RYR2: variants seen among roughly 807,000 people sequenced by gnomAD.
RYR2 encodes the protein ryanodine receptor 2, also known as cardiac muscle ryanodine receptor-calcium release channel.
A neutral mutation model predicts 601.1 loss-of-function variants in RYR2; 227 were observed. That is an observed-to-expected ratio of 0.38 (90% CI 0.34 to 0.42). RYR2 has a LOEUF of 0.42. RYR2 is among the 10% of genes least tolerant of loss of function. The probability of loss-of-function intolerance (pLI) is 1.00; values close to 1 mark genes in which losing one functional copy is unlikely to be tolerated. For missense variants in RYR2, 4,646 were observed against 6,156.5 expected (o/e 0.75, Z 8.21); for synonymous variants, 2,223 against 2,175.1 (o/e 1.02, Z -0.61).
At chr1:237,483,058 G>C (rs1020738681) in intron 17 of RYR2, among the ~76,000 whole-genome samples, 1 of 151,946 alleles carries the variant, frequency 6.6e-6, no homozygotes, top group African/African-American at 2.4e-5. Flanking sequence ...TGTGTCTCTC[G>C]CCAAGGTCTA....
At chr1:237,583,844 A>T (rs1266707985) in intron 29 of RYR2, among the ~76,000 whole-genome samples, 1 of 152,164 alleles carries the variant, frequency 6.6e-6, no homozygotes, top group Non-Finnish European at 1.5e-5. Context: ...TTGCATGCTC[A>T]TCACCCTCCC....
chr1:237,319,702 C>T (rs528316705), intron 2 of RYR2, among the ~76,000 whole-genome samples: 1 of 152,160 alleles, frequency 6.6e-6, no homozygotes, highest in Admixed American at 6.6e-5. Flanking sequence ...TACCAGCCAA[C>T]CTGTCCGTGG....
chr1:237,134,866 T>C (rs1672588251), intron 1 of RYR2, among the ~76,000 whole-genome samples: 2 of 152,174 alleles, frequency 1.3e-5, no homozygotes, highest in African/African-American at 2.4e-5. Context: ...GATGGGGAAA[T>C]TGAGTCATAG....
intron 98 of RYR2, among the ~76,000 whole-genome samples, chr1:237,803,337 A>T (rs1034934796): frequency 3.2e-4 from 47 of 144,980 alleles, no homozygotes; most frequent in African/African-American, 5.0e-4. Flanking sequence ...AGAGTCTTGC[A>T]CTGTCACCCA....
At chr1:237,365,242 T>C (rs1700090801) in intron 5 of RYR2, among the ~76,000 whole-genome samples, 1 of 152,188 alleles carries the variant, frequency 6.6e-6, no homozygotes, top group East Asian at 1.9e-4. Flanking sequence ...CTGTGAGAAA[T>C]ATTAAATCAA....
At chr1:237,226,054 C>CAAA (rs59114136) in intron 1 of RYR2, among the ~76,000 whole-genome samples, 2 of 116,504 alleles carry the variant, frequency 1.7e-5, no homozygotes, top group East Asian at 4.7e-4. Context: ...GACTCCATCT[C>CAAA]AAAAAAAAAA....
intron 3 of RYR2, among the ~76,000 whole-genome samples, chr1:237,337,248 T>C (rs1241126099): frequency 3.3e-5 from 4 of 121,912 alleles, no homozygotes; most frequent in Non-Finnish European, 4.8e-5. Flanking sequence ...CGAGTATCCA[T>C]CTCAAAAAAA....
At chr1:237,811,299 T>G in intron 100 of RYR2, among the ~76,000 whole-genome samples, 1 of 152,192 alleles carries the variant, frequency 6.6e-6, no homozygotes, top group East Asian at 1.9e-4. Flanking sequence ...TGTTACATTT[T>G]GATCCACTGC....
Position 237,569,209 on chromosome 1 carries a change from G to C in RYR2, c.3488G>C (p.Gly1163Ala). ...TCTTGGCAAGCAGGCGATGTCGTGG[G>C]GTGTATGGTTGACATGAACGAACAC... is the stretch of plus-strand genomic sequence containing the variant. Reference protein sequence around the residue: ...GRSWQAGDVVGCMVDMNEHTM... With the variant: ...GRSWQAGDVVACMVDMNEHTM... The change falls in exon 29 of 105, where the codon GGG becomes GCG. Residue 1163 changes from glycine to alanine, a missense_variant. Physicochemically the swap from Gly to Ala is moderately conservative, Grantham distance 60. Transcript: ENST00000366574. 1 of 1,613,902 alleles carries C rather than the reference G, an allele frequency of 6.2e-7. No homozygotes were observed. Among genetic ancestry groups the C allele is most frequent in the Non-Finnish European group, 8.5e-7 (1 of 1,179,872 alleles).
chr1:237,612,959 GAAAAT>G (rs1350562164), intron 36 of RYR2, among the ~76,000 whole-genome samples: 1 of 152,194 alleles, frequency 6.6e-6, no homozygotes, highest in East Asian at 1.9e-4. Context: ...TCAGGCCATA[GAAAAT>G]ATATGGATAG....
chr1:237,265,520 C>T (rs571405468), intron 1 of RYR2, among the ~76,000 whole-genome samples: 12 of 152,270 alleles, frequency 7.9e-5, no homozygotes, highest in African/African-American at 2.9e-4. Flanking sequence ...TGGGGTTTCA[C>T]CATGTTGGCC....
intron 2 of RYR2, among the ~76,000 whole-genome samples, chr1:237,281,648 G>A (rs535624844): frequency 2.6e-5 from 4 of 152,294 alleles, no homozygotes; most frequent in African/African-American, 7.2e-5. Flanking sequence ...GCTGCATCCC[G>A]TCAGTGCAGA....
intron 1 of RYR2, among the ~76,000 whole-genome samples, chr1:237,179,745 T>A (rs1678489691): frequency 6.6e-6 from 1 of 152,104 alleles, no homozygotes. Flanking sequence ...GAGGAATGTC[T>A]GGAAGAGCTG....
At chr1:237,697,166 A>G (rs916245209) in intron 63 of RYR2, among the ~76,000 whole-genome samples, 6 of 143,446 alleles carry the variant, frequency 4.2e-5, no homozygotes, top group Non-Finnish European at 7.5e-5. Context: ...TTTGCCTCAG[A>G]GCCTTTGCAT....
chr1:237,376,503 G>T (rs1701046673), intron 7 of RYR2, among the ~76,000 whole-genome samples: 1 of 149,494 alleles, frequency 6.7e-6, no homozygotes, highest in African/African-American at 2.5e-5. Context: ...TGAAGGTAAA[G>T]AATGGTAAAT....
chr1:237,549,835 A>T (rs781074808), intron 26 of RYR2, among the ~76,000 whole-genome samples: 1 of 152,036 alleles, frequency 6.6e-6, no homozygotes, highest in African/African-American at 2.4e-5. Flanking sequence ...CACTTGTAGG[A>T]GTAGATGCAT....
chr1:237,511,602 C>A, intron 23 of RYR2, 86 bp from the exon 24 acceptor site: 1 of 1,048,432 alleles, frequency 9.5e-7, no homozygotes, highest in Non-Finnish European at 1.4e-6. Flanking sequence ...TTGCCTTCTG[C>A]CTCCACTTTC....
chr1:237,590,115 G>A (rs1674985534), intron 30 of RYR2, 114 bp downstream of exon 30: 2 of 958,280 alleles, frequency 2.1e-6, no homozygotes, highest in South Asian at 1.8e-5. Flanking sequence ...TGATGACCTT[G>A]ATGTGTTATA....
intron 75 of RYR2, 135 bp from the exon 76 acceptor site, chr1:237,726,952 A>G (rs1690254175): frequency 1.8e-6 from 1 of 566,380 alleles, no homozygotes; most frequent in Non-Finnish European, 3.2e-6. Context: ...TTGGAATTGG[A>G]ATTCCAAATA....
Sources: gnomAD v4.1 joint callset for allele counts (sites outside exome capture counted in the v4.1 genomes callset) on GRCh38, gnomAD v4.1.1 for gene constraint, MANE v1.5 for transcripts, NCBI Gene and HGNC (gene_info 2026-07-23, HGNC 2026-07-21) for gene names.